CACNA1A: variants seen among roughly 807,000 people sequenced by gnomAD.
CACNA1A encodes calcium voltage-gated channel subunit alpha1 A, also known as voltage-dependent P/Q-type calcium channel subunit alpha-1A.
Under a neutral mutation model 262.4 loss-of-function variants are expected in CACNA1A, and 57 were observed. The ratio of observed to expected loss-of-function variants is 0.22; its 90% CI spans 0.18 to 0.27. CACNA1A has a LOEUF of 0.27. Among genes scored for constraint, CACNA1A ranks in the 10% least tolerant of loss-of-function variants. CACNA1A has a pLI of 1.00. For missense variants in CACNA1A, 2,526 were observed against 3,562.8 expected, an observed-to-expected ratio of 0.71 and a Z score of 7.41; for synonymous variants, 1,431 against 1,419.3, an observed-to-expected ratio of 1.01 and a Z score of -0.18.
At position 13,212,228 on chromosome 19, in the gene CACNA1A, A is replaced by AT; in HGVS notation, c.6190-13dup. 1 of 1,611,426 alleles carries AT rather than the reference A, an allele frequency of 6.2e-7. No homozygotes were observed. Among genetic ancestry groups the AT allele is most frequent in the Non-Finnish European group, 8.5e-7 (1 of 1,177,752 alleles). ...CGCATCTCCACGGACTGCGGAGCAG[A>AT]TGGCAAAGCCAGATGAGCTCTGGGG... On this transcript the variant is annotated splice_polypyrimidine_tract_variant and intron_variant, in intron 42 of 46. Coordinates refer to ENST00000360228, the MANE Select transcript of CACNA1A (RefSeq NM_001127222.2). The surrounding 1 kb of genome is among the most constrained non-coding windows in gnomAD (Gnocchi z 5.6).
chr19:13,235,826 AG>A (rs36038918), intron 31 of CACNA1A, 96 bp from the exon 32 acceptor site: 3 of 777,986 alleles, frequency 3.9e-6, no homozygotes, highest in Non-Finnish European at 6.5e-6. Flanking sequence ...GCCAACCAAC[AG>A]GAAAAAAGCA....
chr19:13,417,919 G>T (rs2060251443), intron 3 of CACNA1A, among the ~76,000 whole-genome samples: 1 of 148,072 alleles, frequency 6.8e-6, no homozygotes, highest in African/African-American at 2.5e-5. Context: ...GAGAACCATA[G>T]CATCTTCCAC....
intron 6 of CACNA1A, among the ~76,000 whole-genome samples, chr19:13,337,756 C>T (rs886901271): frequency 2.6e-5 from 4 of 152,122 alleles, no homozygotes; most frequent in Non-Finnish European, 5.9e-5. Flanking sequence ...GTCACTAGGT[C>T]ATTTTGTTGT....
intron 46 of CACNA1A, 84 bp from the exon 47 acceptor site, chr19:13,208,137 G>A (rs1200767957): frequency 1.1e-5 from 7 of 649,984 alleles, no homozygotes; most frequent in Non-Finnish European, 1.3e-5. Flanking sequence ...GAAGAGAGGG[G>A]AGCGAAGGGA....
At chr19:13,433,460 CAAA>C (rs533297364) in intron 3 of CACNA1A, among the ~76,000 whole-genome samples, 73 of 76,226 alleles carry the variant, frequency 9.6e-4, no homozygotes, top group African/African-American at 1.9e-3. Flanking sequence ...GACGCTGTCT[CAAA>C]AAAAAAAAAA....
chr19:13,221,212 T>TTTTTCTTTTCTTTTCTTTTCTTTTC (rs1555734398), intron 38 of CACNA1A, among the ~76,000 whole-genome samples: 3 of 40,956 alleles, frequency 7.3e-5, no homozygotes, highest in Non-Finnish European at 1.2e-4. Flanking sequence ...TCCCATTTGT[T>TTTTTCTTTTCTTTTCTTTTCTTTTC]TTTTCTTTTC....
Position 13,446,877 on chromosome 19 carries a change from G to A in CACNA1A, c.539+5999C>T, listed in dbSNP as rs529604786. Among the ~76,000 whole-genome samples the A allele has an allele frequency of 2.5e-4, 38 of 151,948 alleles. 1 individual carries two copies. Among genetic ancestry groups the A allele is most frequent in the Non-Finnish European group, 4.3e-4 (29 of 67,982 alleles). On this transcript the variant is annotated intron_variant, in intron 3 of 46. Transcript: ENST00000360228. Reference sequence around the variant, plus strand: ...TAGCTGGAATTCCAGGTGCTTGCCCGCTGCACCCAGCTCATGCAGAATGTT... The same window carrying A: ...TAGCTGGAATTCCAGGTGCTTGCCCACTGCACCCAGCTCATGCAGAATGTT...
At chr19:13,324,282 G>A (rs943176053) in intron 10 of CACNA1A, among the ~76,000 whole-genome samples, 1 of 152,172 alleles carries the variant, frequency 6.6e-6, no homozygotes, top group Non-Finnish European at 1.5e-5. Flanking sequence ...AAGGGTATAA[G>A]TTGCAGTTAG....
At position 13,271,214 on chromosome 19, in the gene CACNA1A, G is replaced by GTTTTTTTTTTTTTTTTTTTT. The variant is rs148308280; in HGVS notation, c.3989+4616_3989+4635dup. 3 of 80,438 alleles carry GTTTTTTTTTTTTTTTTTTTT rather than the reference G, an allele frequency of 3.7e-5. 1 individual carries two copies. Among genetic ancestry groups the GTTTTTTTTTTTTTTTTTTTT allele is most frequent in the Non-Finnish European group, 2.2e-5 (1 of 45,258 alleles). The allele number at this position is 80,438 out of a possible 1,614,324, so 5.0% of individuals were successfully genotyped here. ...AACTCCCCAAAAGAATCATTCTGCTGTTTTTTTTTTTTTTTTTTTTTTTTG... is the reference window on the plus strand; with the variant it reads ...AACTCCCCAAAAGAATCATTCTGCTGTTTTTTTTTTTTTTTTTTTTTTTTTTTTTTTTTTTTTTTTTTTTG... On this transcript the variant is annotated intron_variant, in intron 24 of 46. Coordinates refer to ENST00000360228, the MANE Select transcript of CACNA1A (RefSeq NM_001127222.2).
intron 3 of CACNA1A, among the ~76,000 whole-genome samples, chr19:13,429,531 CAA>C (rs35308275): frequency 7.4e-3 from 421 of 57,200 alleles, no homozygotes; most frequent in South Asian, 0.05. Flanking sequence ...TCAAAGCGTC[CAA>C]AAAAAAAAAA....
chr19:13,299,581 CT>C (rs1424507529), intron 18 of CACNA1A, among the ~76,000 whole-genome samples: 14 of 152,320 alleles, frequency 9.2e-5, no homozygotes, highest in Middle Eastern at 3.4e-3. Flanking sequence ...GTCCTCCCCC[CT>C]GACCCAGAAG....
intron 10 of CACNA1A, among the ~76,000 whole-genome samples, chr19:13,328,760 T>C (rs966996975): frequency 6.6e-6 from 1 of 151,898 alleles, no homozygotes; most frequent in Non-Finnish European, 1.5e-5. Flanking sequence ...CTACGAGATA[T>C]GTGATCGCAA....
chr19:13,371,804 G>GTT, intron 3 of CACNA1A, 25 bp from the exon 4 acceptor site: 2 of 1,525,936 alleles, frequency 1.3e-6, no homozygotes, highest in South Asian at 2.4e-5. Flanking sequence ...CCAGAATGGA[G>GTT]AACAGAGGGT....
At chr19:13,435,425 T>C (rs1358981056) in intron 3 of CACNA1A, among the ~76,000 whole-genome samples, 1 of 152,012 alleles carries the variant, frequency 6.6e-6, no homozygotes, top group Non-Finnish European at 1.5e-5. Flanking sequence ...CATCTCGTTA[T>C]AGCAATGTGA....
chr19:13,228,585 T>A, intron 36 of CACNA1A: 1 of 219,292 alleles, frequency 4.6e-6, no homozygotes, highest in Non-Finnish European at 7.7e-6. Context: ...GATGGCTCTG[T>A]TTTTTTAGAG....
intron 46 of CACNA1A, among the ~76,000 whole-genome samples, chr19:13,208,532 G>A (rs2054665124): frequency 7.1e-6 from 1 of 140,426 alleles, no homozygotes; most frequent in Admixed American, 7.0e-5. Flanking sequence ...AGGGGGCGGC[G>A]GGTGGGCAAG....
intron 3 of CACNA1A, among the ~76,000 whole-genome samples, chr19:13,444,983 C>CA (rs1341961407): frequency 6.6e-6 from 1 of 151,698 alleles, no homozygotes; most frequent in Non-Finnish European, 1.5e-5. Context: ...ACTAAACATA[C>CA]AAAAAAATTA....
chr19:13,336,564 G>A (rs12459092), intron 6 of CACNA1A, among the ~76,000 whole-genome samples: 97,797 of 141,720 alleles, frequency 0.69, 33,810 homozygotes, highest in Admixed American at 0.76. Context: ...GTTGGGGGGT[G>A]GAGAGAGAAA....
intron 3 of CACNA1A, among the ~76,000 whole-genome samples, chr19:13,380,482 C>A (rs1356036823): frequency 6.7e-6 from 1 of 149,684 alleles, no homozygotes; most frequent in Admixed American, 6.7e-5. Context: ...TCCATCTCTA[C>A]TAAAAATGCA....
Sources: gnomAD v4.1 joint callset for allele counts (sites outside exome capture counted in the v4.1 genomes callset) on GRCh38, gnomAD v4.1.1 for gene constraint, Gnocchi (gnomAD v3.1) non-coding constraint, MANE v1.5 for transcripts, NCBI Gene and HGNC (gene_info 2026-07-23, HGNC 2026-07-21) for gene names.